The following WWOX variants were observed in gnomAD, a reference collection of about 807,000 sequenced individuals.
WWOX encodes the protein WW domain-containing oxidoreductase.
In WWOX, 69 loss-of-function variants were observed where a neutral mutation model predicts 46.2. That is an observed-to-expected ratio of 1.49 (90% CI 1.23 to 1.82). The LOEUF is 1.82. Among genes scored for constraint, WWOX ranks in the 40% most tolerant of loss-of-function variants. WWOX has a pLI of 0.00. For synonymous variants in WWOX, 359 were observed against 202.6 expected, an observed-to-expected ratio of 1.77 and a Z score of -6.56; for missense variants, 919 against 542.6, an observed-to-expected ratio of 1.69 and a Z score of -6.89.
At chr16:78,367,856 A>G (rs911641952) in intron 5 of WWOX, among the ~76,000 whole-genome samples, 1 of 151,614 alleles carries the variant, frequency 6.6e-6, no homozygotes, top group Non-Finnish European at 1.5e-5. Context: ...TCCCGAGTTC[A>G]AGCTATTCTT....
intron 8 of WWOX, among the ~76,000 whole-genome samples, chr16:78,822,301 C>G (rs112186741): frequency 1.3e-5 from 2 of 152,214 alleles, no homozygotes; most frequent in African/African-American, 4.8e-5. Context: ...CAAGCCCAGC[C>G]TGGCTGACAT....
At chr16:78,113,457 T>A (rs2032607368) in intron 3 of WWOX, among the ~76,000 whole-genome samples, 1 of 152,218 alleles carries the variant, frequency 6.6e-6, no homozygotes. Context: ...TGTGTTCCAA[T>A]AAAACTTTAT....
intron 8 of WWOX, among the ~76,000 whole-genome samples, chr16:78,677,290 C>G (rs1047869841): frequency 6.6e-6 from 1 of 152,130 alleles, no homozygotes. Context: ...TTTTTGGTTT[C>G]TCTGTCTACT....
At position 78,334,808 on chromosome 16, in the gene WWOX, G is replaced by GCGCGCGCGCA. The variant is rs1555521509; in HGVS notation, c.517-52051_517-52050insGCGCGCGCAC. Among the ~76,000 whole-genome samples, 32 of 78,746 alleles carry GCGCGCGCGCA rather than the reference G, an allele frequency of 4.1e-4. 4 individuals carry two copies. The highest frequency in any genetic ancestry group is 2.9e-3 in the Admixed American group (27 of 9,240). 51.7% of individuals were successfully genotyped at this position (78,746 alleles called of 152,430 possible). The stretch of plus-strand genomic sequence containing the variant: ...GTCTCCCCTCCACACACACACACAC[G>GCGCGCGCGCA]CACACACACACACACACACACACAT... On this transcript the variant is annotated intron_variant, in intron 5 of 8. Coordinates refer to ENST00000566780, the MANE Select transcript of WWOX (RefSeq NM_016373.4).
chr16:79,158,884 A>T (rs1246908578), intron 8 of WWOX, among the ~76,000 whole-genome samples: 1 of 152,206 alleles, frequency 6.6e-6, no homozygotes, highest in African/African-American at 2.4e-5. Flanking sequence ...GACCTAGGTC[A>T]TTTTCACTGC....
At chr16:78,988,868 C>G (rs2046831094) in intron 8 of WWOX, among the ~76,000 whole-genome samples, 1 of 152,186 alleles carries the variant, frequency 6.6e-6, no homozygotes, top group Non-Finnish European at 1.5e-5. Context: ...CCCAATCGAT[C>G]AGTGGAGAAA....
At chr16:78,403,556 C>A (rs1483759511) in intron 6 of WWOX, among the ~76,000 whole-genome samples, 3 of 152,068 alleles carry the variant, frequency 2.0e-5, no homozygotes, top group Non-Finnish European at 4.4e-5. Flanking sequence ...TTATTTTCCC[C>A]ACTTACCAAG....
chr16:78,646,469 C>G (rs750502068), intron 8 of WWOX, among the ~76,000 whole-genome samples: 1 of 152,022 alleles, frequency 6.6e-6, no homozygotes, highest in African/African-American at 2.4e-5. Context: ...ACTCTGTCAC[C>G]CAGGCTGGGG....
At chr16:79,195,997 A>C (rs1284420896) in intron 8 of WWOX, among the ~76,000 whole-genome samples, 1 of 152,232 alleles carries the variant, frequency 6.6e-6, no homozygotes, top group Admixed American at 6.5e-5. Flanking sequence ...TAGTGGGGAC[A>C]ATAATACTAC....
In WWOX at chr16:78,962,509, G is replaced by A. The variant is rs199900078; in HGVS notation, c.1057-249099G>A. Among the ~76,000 whole-genome samples the A allele has an allele frequency of 4.0e-4, 61 of 151,964 alleles. 1 individual carries two copies. The East Asian group carries it at 0.01, about 26-fold the overall frequency. On this transcript the variant is annotated intron_variant, in intron 8 of 8. Coordinates refer to ENST00000566780, the MANE Select transcript of WWOX (RefSeq NM_016373.4). ...AGATTGCTTCACATTGCATTTAAAG[G>A]CTTAAATAATGTATTCTGTCAGACA...
At chr16:78,101,768 G>A (rs2031808811) in intron 1 of WWOX, among the ~76,000 whole-genome samples, 1 of 152,202 alleles carries the variant, frequency 6.6e-6, no homozygotes, top group Non-Finnish European at 1.5e-5. Context: ...AAGTTCTGAT[G>A]AGTTCATTCA....
intron 8 of WWOX, among the ~76,000 whole-genome samples, chr16:78,739,343 G>C (rs553682141): frequency 1.5e-4 from 23 of 152,292 alleles, no homozygotes; most frequent in Admixed American, 1.4e-3. Flanking sequence ...ACTCGCAGCA[G>C]AGGGCATTAG....
intron 4 of WWOX, among the ~76,000 whole-genome samples, chr16:78,122,459 C>G (rs1040961062): frequency 3.3e-5 from 5 of 152,044 alleles, no homozygotes; most frequent in African/African-American, 9.7e-5. Flanking sequence ...GATTTTTGTT[C>G]TACTTGAGGT....
At chr16:78,220,132 C>A (rs974256994) in intron 5 of WWOX, among the ~76,000 whole-genome samples, 8 of 152,008 alleles carry the variant, frequency 5.3e-5, no homozygotes, top group Non-Finnish European at 1.0e-4. Flanking sequence ...CGGGGTACTC[C>A]CTCAAATTTC....
chr16:79,174,683 A>C lies in WWOX; in HGVS notation c.1057-36925A>C, dbSNP rs1203992709. On this transcript the variant is annotated intron_variant, in intron 8 of 8. Coordinates refer to ENST00000566780, the MANE Select transcript of WWOX (RefSeq NM_016373.4). ...AATTAAGAGGGACTGATGTCCAGTG[A>C]ATTTCTATGTCCGCCCTAAGCACTG... Among the ~76,000 whole-genome samples, 3 of 152,172 alleles carry C rather than the reference A, an allele frequency of 2.0e-5. No individual in the cohort carries two copies. In the East Asian group the frequency reaches 5.8e-4, roughly 29 times the overall value.
chr16:79,123,158 C>G (rs1350985642), intron 8 of WWOX, among the ~76,000 whole-genome samples: 1 of 152,054 alleles, frequency 6.6e-6, no homozygotes, highest in Non-Finnish European at 1.5e-5. Flanking sequence ...AGAGTACCCA[C>G]TAGTGAGAGG....
At chr16:78,689,070 C>T (rs1462904512) in intron 8 of WWOX, among the ~76,000 whole-genome samples, 2 of 152,184 alleles carry the variant, frequency 1.3e-5, no homozygotes, top group African/African-American at 2.4e-5. Flanking sequence ...ATTACCCAGG[C>T]TTGCATATGT....
intron 8 of WWOX, among the ~76,000 whole-genome samples, chr16:78,923,762 C>G (rs1014498244): frequency 7.0e-6 from 1 of 142,720 alleles, no homozygotes; most frequent in Non-Finnish European, 1.5e-5. Flanking sequence ...AAGTGATGAT[C>G]TGGGTTGATT....
chr16:78,876,042 C>A (rs1376917989), intron 8 of WWOX, among the ~76,000 whole-genome samples: 2 of 152,158 alleles, frequency 1.3e-5, no homozygotes, highest in African/African-American at 4.8e-5. Flanking sequence ...CTCCATGGTA[C>A]TATATACACT....
Sources: gnomAD v4.1 joint callset for allele counts (sites outside exome capture counted in the v4.1 genomes callset) on GRCh38, gnomAD v4.1.1 for gene constraint, MANE v1.5 for transcripts, NCBI Gene and HGNC (gene_info 2026-07-23, HGNC 2026-07-21) for gene names.